Variants in CTTNBP2NL observed in about 807,000 individuals in gnomAD.
CTTNBP2NL encodes CTTNBP2 N-terminal like, also known as CTTNBP2 N-terminal-like protein.
A neutral mutation model predicts 32.5 loss-of-function variants in CTTNBP2NL; 16 were observed. That is an observed-to-expected ratio of 0.49 (90% CI 0.33 to 0.75). The LOEUF is 0.75. Among genes scored for constraint, CTTNBP2NL ranks in the 30% least tolerant of loss-of-function variants. CTTNBP2NL has a pLI of 0.02. For synonymous variants in CTTNBP2NL, 298 were observed against 289.4 expected, an observed-to-expected ratio of 1.03 and a Z score of -0.30; for missense variants, 645 against 756.0, an observed-to-expected ratio of 0.85 and a Z score of 1.72.
At chr1:112,396,086 C>A (rs1046487654), upstream of CTTNBP2NL, 1 of 152,246 alleles carries the variant, frequency 6.6e-6, no homozygotes, top group South Asian at 2.1e-4. Flanking sequence ...CCGGGAGGAG[C>A]CTGAATGACT....
At chr1:112,420,661 G>A (rs1649201308) in intron 3 of CTTNBP2NL, among the ~76,000 whole-genome samples, 1 of 151,864 alleles carries the variant, frequency 6.6e-6, no homozygotes, top group African/African-American at 2.4e-5. Context: ...TAGAGACAGG[G>A]TTTTGCCATG....
At chr1:112,397,882 G>A (rs1334419723) in intron 1 of CTTNBP2NL, among the ~76,000 whole-genome samples, 1 of 152,146 alleles carries the variant, frequency 6.6e-6, no homozygotes, top group African/African-American at 2.4e-5. Flanking sequence ...ACTTTCTGAA[G>A]GTAGACTTCC....
intron 1 of CTTNBP2NL, among the ~76,000 whole-genome samples, chr1:112,406,079 G>A (rs1421450688): frequency 6.6e-6 from 1 of 151,948 alleles, no homozygotes; most frequent in Non-Finnish European, 1.5e-5. Flanking sequence ...AGCTACTTAG[G>A]AGGCTGAGGC....
chr1:112,444,642 T>C (rs1301971258), intron 3 of CTTNBP2NL, among the ~76,000 whole-genome samples: 1 of 152,208 alleles, frequency 6.6e-6, no homozygotes, highest in East Asian at 1.9e-4. Context: ...TGTTATTGAA[T>C]TAAAAATAAT....
upstream of CTTNBP2NL, among the ~76,000 whole-genome samples, chr1:112,392,021 A>AAATAAATAAATAAATAAATAAAC (rs1557880138): frequency 1.5e-5 from 2 of 131,944 alleles, no homozygotes; most frequent in African/African-American, 7.9e-5. Context: ...AATAAATAAA[A>AAATAAATAAATAAATAAATAAAC]TAAGTCCAAA....
In CTTNBP2NL at chr1:112,456,169, A is replaced by G. The variant is rs1650355970; in HGVS notation, c.677A>G (p.Lys226Arg). The G allele has an allele frequency of 1.2e-6, 2 of 1,614,076 alleles. No individual in the cohort carries two copies. Among genetic ancestry groups the G allele is most frequent in the Non-Finnish European group, 1.7e-6 (2 of 1,180,046 alleles). The change falls in exon 6 of 6, where the codon AAG (lysine) becomes AGG (arginine). Residue 226 changes from lysine to arginine, a missense_variant. Transcript: ENST00000271277. ...KLEEELAAER[K>R]RGLQTEAQVE... ...GAAGAAGAGTTGGCAGCTGAGAGAA[A>G]GAGAGGCTTGCAGACTGAGGCCCAG... is the stretch of plus-strand genomic sequence containing the variant.
upstream of CTTNBP2NL, among the ~76,000 whole-genome samples, chr1:112,392,782 G>C (rs1648215876): frequency 6.6e-6 from 1 of 152,268 alleles, no homozygotes; most frequent in Admixed American, 6.5e-5. Context: ...AGAAGCCAGG[G>C]GAGAGAGGCA....
intron 3 of CTTNBP2NL, among the ~76,000 whole-genome samples, chr1:112,427,265 T>TC (rs1649430929): frequency 6.6e-6 from 1 of 152,206 alleles, no homozygotes; most frequent in African/African-American, 2.4e-5. Flanking sequence ...AGGCATTTTT[T>TC]CTCGTTAATC....
rs1557899462 is a variant in CTTNBP2NL at position 112,456,288 on chromosome 1, G to A, written c.796G>A (p.Glu266Lys). ...EENRTKTLKE[E>K]MESLKKIVKD... ...GAACCGGACCAAAACCCTGAAAGAAGAAATGGAAAGTTTAAAGAAGATAGT... is the reference window on the plus strand; with the variant it reads ...GAACCGGACCAAAACCCTGAAAGAAAAAATGGAAAGTTTAAAGAAGATAGT... Residue 266 changes from glutamate to lysine, a missense_variant, in exon 6 of 6, where the codon GAA (glutamate) becomes AAA (lysine). Transcript: ENST00000271277. The A allele has an allele frequency of 6.2e-7, 1 of 1,614,036 alleles. No homozygotes were observed. The highest frequency in any genetic ancestry group is 8.5e-7 in the Non-Finnish European group (1 of 1,180,018).
upstream of CTTNBP2NL, among the ~76,000 whole-genome samples, chr1:112,395,007 T>A (rs1648277340): frequency 1.3e-5 from 2 of 152,250 alleles, no homozygotes; most frequent in Non-Finnish European, 2.9e-5. Context: ...ACTTGTTTAC[T>A]TCTTTCAGAC....
At chr1:112,433,939 T>C (rs1484627849) in intron 3 of CTTNBP2NL, among the ~76,000 whole-genome samples, 2 of 151,676 alleles carry the variant, frequency 1.3e-5, no homozygotes, top group East Asian at 1.9e-4. Context: ...GGTCTTGCCA[T>C]GTTGCCCAGG....
intron 1 of CTTNBP2NL, among the ~76,000 whole-genome samples, chr1:112,405,952 G>A (rs1209481693): frequency 6.6e-6 from 1 of 152,016 alleles, no homozygotes; most frequent in Non-Finnish European, 1.5e-5. Context: ...TTGGGAGGCC[G>A]AGGCAGGTGG....
At chr1:112,416,567 G>A (rs994911055) in intron 3 of CTTNBP2NL, among the ~76,000 whole-genome samples, 21 of 150,586 alleles carry the variant, frequency 1.4e-4, no homozygotes, top group African/African-American at 4.9e-4. Context: ...GCGCTATCTC[G>A]GCTCACTGCA....
At chr1:112,406,472 A>C (rs1050791074) in intron 1 of CTTNBP2NL, among the ~76,000 whole-genome samples, 1 of 152,198 alleles carries the variant, frequency 6.6e-6, no homozygotes, top group Non-Finnish European at 1.5e-5. Flanking sequence ...GGCTTTGAGC[A>C]AGTTTTTTAG....
At chr1:112,452,335 C>CTTTTTTTTTTTTTT (rs1157736195) in intron 4 of CTTNBP2NL, among the ~76,000 whole-genome samples, 1 of 65,688 alleles carries the variant, frequency 1.5e-5, no homozygotes, top group African/African-American at 6.1e-5. Flanking sequence ...CCAGTCTCTT[C>CTTTTTTTTTTTTTT]TTTTTTTTTT....
In CTTNBP2NL at chr1:112,414,152, G is replaced by A. The variant is rs1648985800; in HGVS notation, c.-10+1835G>A. 2.0e-5 allele frequency among the ~76,000 whole-genome samples: 3 copies of A among 152,140 alleles called. No individual in the cohort carries two copies. In the South Asian group the frequency reaches 6.2e-4, roughly 32 times the overall value. On this transcript the variant is annotated intron_variant, in intron 2 of 5. Coordinates refer to ENST00000271277, the MANE Select transcript of CTTNBP2NL (RefSeq NM_018704.3). ...AGACTGAGGTGGGCGGATCACCTGA[G>A]GTCAGGAGTTCAAGACCAGCCTTGC...
In CTTNBP2NL at chr1:112,458,239, T is replaced by C. The variant is rs1418606691; in HGVS notation, c.*827T>C. On this transcript the variant is annotated 3_prime_UTR_variant, in exon 6 of 6. Coordinates refer to ENST00000271277, the MANE Select transcript of CTTNBP2NL (RefSeq NM_018704.3). ...TACTTGAATAGGAAATGGTTACTCA[T>C]TCTGTATAAAAGTTTTGCAAGAGAA... 1.3e-5 allele frequency: 2 copies of C among 152,682 alleles called. No homozygotes were observed. The highest frequency in any genetic ancestry group is 2.4e-5 in the African/African-American group (1 of 41,472). 9.5% of individuals were successfully genotyped at this position (152,682 alleles called of 1,614,324 possible).
At chr1:112,429,067 A>G (rs1044660176) in intron 3 of CTTNBP2NL, among the ~76,000 whole-genome samples, 2 of 152,218 alleles carry the variant, frequency 1.3e-5, no homozygotes, top group Admixed American at 6.5e-5. Flanking sequence ...AGCATTGTAT[A>G]TAGCCCTCTA....
At chr1:112,406,160 G>T (rs139340906) in intron 1 of CTTNBP2NL, among the ~76,000 whole-genome samples, 2 of 151,874 alleles carry the variant, frequency 1.3e-5, no homozygotes. Context: ...CTCCAGCCTG[G>T]GTGACAAAGT....
Sources: gnomAD v4.1 joint callset for allele counts (sites outside exome capture counted in the v4.1 genomes callset) on GRCh38, gnomAD v4.1.1 for gene constraint, MANE v1.5 for transcripts, NCBI Gene and HGNC (gene_info 2026-07-23, HGNC 2026-07-21) for gene names.